The following FRAS1 variants were observed in gnomAD, a reference collection of about 807,000 sequenced individuals.
FRAS1 encodes extracellular matrix organizing protein FRAS1.
Under a neutral mutation model 435.2 loss-of-function variants are expected in FRAS1, and 290 were observed. The observed-to-expected ratio is 0.67, with a 90% CI of 0.61 to 0.73. FRAS1 has a LOEUF of 0.73. FRAS1 is among the 30% of genes least tolerant of loss of function. The pLI, the probability that FRAS1 is intolerant of heterozygous loss-of-function variation, is 0.00. For synonymous variants in FRAS1, 1,800 were observed against 1,851.0 expected (o/e 0.97, Z 0.71); for missense variants, 4,860 against 5,001.5 (o/e 0.97, Z 0.85).
chr4:78,313,911 C>A (rs933876131), intron 15 of FRAS1, among the ~76,000 whole-genome samples: 3 of 152,178 alleles, frequency 2.0e-5, no homozygotes, highest in Non-Finnish European at 4.4e-5. Context: ...AAATGTGTGG[C>A]ACAGGACACC....
chr4:78,357,867 C>T (rs565870604), intron 20 of FRAS1, among the ~76,000 whole-genome samples: 5 of 152,306 alleles, frequency 3.3e-5, no homozygotes, highest in South Asian at 4.1e-4. Flanking sequence ...TGCCTCTGTA[C>T]TCCAGTGTGG....
intron 2 of FRAS1, among the ~76,000 whole-genome samples, chr4:78,204,375 A>G (rs1578184077): frequency 6.6e-6 from 1 of 152,244 alleles, no homozygotes; most frequent in African/African-American, 2.4e-5. Context: ...TAGAACTGTC[A>G]GGGAAAGACT....
At chr4:78,308,027 T>G in intron 14 of FRAS1, 39 bp from the exon 15 acceptor site, 1 of 1,552,682 alleles carries the variant, frequency 6.4e-7, no homozygotes, top group South Asian at 1.2e-5. Flanking sequence ...CAGTCCTTTC[T>G]GCCGTAGATT....
intron 52 of FRAS1, among the ~76,000 whole-genome samples, chr4:78,472,816 C>T (rs1719748633): frequency 6.6e-6 from 1 of 152,136 alleles, no homozygotes; most frequent in Non-Finnish European, 1.5e-5. Context: ...CTCAAGCAGG[C>T]CATGTTAAGC....
intron 29 of FRAS1, among the ~76,000 whole-genome samples, chr4:78,395,181 C>A (rs1732606968): frequency 6.6e-6 from 1 of 151,878 alleles, no homozygotes; most frequent in African/African-American, 2.4e-5. Context: ...CATTTTGTTT[C>A]TTTCTGTTGC....
At chr4:78,206,528 C>T (rs902747951) in intron 2 of FRAS1, among the ~76,000 whole-genome samples, 3 of 152,110 alleles carry the variant, frequency 2.0e-5, no homozygotes, top group Non-Finnish European at 2.9e-5. Flanking sequence ...AGGAAACAAC[C>T]GTACCATCCC....
intron 73 of FRAS1, 29 bp downstream of exon 73, chr4:78,539,469 A>C (rs1298515943): frequency 3.3e-6 from 5 of 1,537,086 alleles, no homozygotes; most frequent in Non-Finnish European, 3.5e-6. Context: ...ACAGAAGCTT[A>C]AGACCAAGTC....
At chr4:78,314,333 C>T (rs1235351348) in intron 15 of FRAS1, among the ~76,000 whole-genome samples, 5 of 152,142 alleles carry the variant, frequency 3.3e-5, no homozygotes, top group African/African-American at 7.2e-5. Context: ...CTTTCTTGTA[C>T]TCTGTGAGCG....
intron 2 of FRAS1, among the ~76,000 whole-genome samples, chr4:78,102,468 G>A (rs1451058023): frequency 6.6e-6 from 1 of 152,028 alleles, no homozygotes; most frequent in Non-Finnish European, 1.5e-5. Flanking sequence ...TTACATGTTG[G>A]CTGTGATCAT....
In FRAS1 at chr4:78,065,081, T is replaced by C. The variant is rs200300082; in HGVS notation, c.77-904T>C. ...GTGTATATATATATATATATATATA[T>C]ATACATACACACACACACACTAAAT... On this transcript the variant is annotated intron_variant, in intron 1 of 73. Coordinates refer to ENST00000512123, the MANE Select transcript of FRAS1 (RefSeq NM_025074.7). 1.5e-3 allele frequency among the ~76,000 whole-genome samples: 183 copies of C among 125,692 alleles called. 1 individual carries two copies. In the East Asian group the frequency reaches 0.022, roughly 15 times the overall value. 82.5% of individuals were successfully genotyped at this position (125,692 alleles called of 152,430 possible). A position where few individuals can be genotyped will look rare whatever the true frequency, so the allele number is the denominator to read the frequency against.
At chr4:78,178,408 A>C (rs1721864686) in intron 2 of FRAS1, among the ~76,000 whole-genome samples, 1 of 152,228 alleles carries the variant, frequency 6.6e-6, no homozygotes, top group African/African-American at 2.4e-5. Flanking sequence ...ATTTGTATAG[A>C]TGTTGATACA....
intron 2 of FRAS1, among the ~76,000 whole-genome samples, chr4:78,144,898 G>A (rs1720354373): frequency 6.6e-6 from 1 of 152,010 alleles, no homozygotes; most frequent in African/African-American, 2.4e-5. Context: ...TGACTTTTTT[G>A]CAATTATAAA....
chr4:78,390,234 C>G (rs1732393269), intron 29 of FRAS1, among the ~76,000 whole-genome samples: 1 of 152,098 alleles, frequency 6.6e-6, no homozygotes, highest in East Asian at 1.9e-4. Flanking sequence ...CTTAATTTTT[C>G]TAATGGAGAT....
intron 20 of FRAS1, among the ~76,000 whole-genome samples, chr4:78,358,544 G>A (rs552620376): frequency 3.5e-4 from 32 of 90,876 alleles, no homozygotes; most frequent in African/African-American, 1.2e-3. Context: ...TTTATAAAAT[G>A]GGGATAATAA....
intron 2 of FRAS1, among the ~76,000 whole-genome samples, chr4:78,206,444 T>TC (rs1338194567): frequency 6.6e-6 from 1 of 152,184 alleles, no homozygotes; most frequent in Non-Finnish European, 1.5e-5. Flanking sequence ...ACTTCTCACT[T>TC]CCAGGACCAT....
Position 78,511,309 on chromosome 4 carries a change from T to A in FRAS1, c.9816T>A (p.His3272Gln). The A allele has an allele frequency of 6.2e-7, 1 of 1,608,508 alleles. No individual in the cohort carries two copies. Residue 3272 changes from histidine (H) to glutamine (Q), a missense_variant, in exon 64 of 74, where the codon CAT (histidine) becomes CAA (glutamine). Transcript: ENST00000512123. ...GCATTTACTTCAGCCGGAGGTTCCA[T>A]GTGCGTTGTGTGGCCAAGGCTGTGG... is the stretch of plus-strand genomic sequence containing the variant. Reference protein sequence around the residue: ...LDSIYFSRRFHVRCVAKAVDK... With the variant: ...LDSIYFSRRFQVRCVAKAVDK...
intron 10 of FRAS1, among the ~76,000 whole-genome samples, chr4:78,279,980 G>A (rs1040820709): frequency 6.6e-6 from 1 of 151,980 alleles, no homozygotes; most frequent in Admixed American, 6.6e-5. Context: ...ATCTTAACTA[G>A]CCACTTATCA....
rs200282443 is a variant in FRAS1, at chr4:78,481,969, G to A, written c.8604+5G>A. On this transcript the variant is annotated splice_donor_5th_base_variant and intron_variant, in intron 57 of 73. Coordinates refer to ENST00000512123, the MANE Select transcript of FRAS1 (RefSeq NM_025074.7). ...GGGCCTGGTGTCATTGAACAGGTGCGTTTACAGCAGTCGAGACTCCACAAA... is the reference window on the plus strand; with the variant it reads ...GGGCCTGGTGTCATTGAACAGGTGCATTTACAGCAGTCGAGACTCCACAAA... 31 of 1,612,182 alleles carry A rather than the reference G, an allele frequency of 1.9e-5. No individual in the cohort carries two copies. The highest frequency in any genetic ancestry group is 4.0e-5 in the African/African-American group (3 of 74,796).
chr4:78,298,030 C>CTCTCTCTCTA (rs1253600018), intron 14 of FRAS1, among the ~76,000 whole-genome samples: 7 of 104,078 alleles, frequency 6.7e-5, no homozygotes, highest in Admixed American at 2.1e-4. Context: ...CTCTCTCTCT[C>CTCTCTCTCTA]TATATATATA....
Sources: allele counts gnomAD v4.1 joint callset (sites outside exome capture counted in the v4.1 genomes callset), GRCh38; gene constraint gnomAD v4.1.1; transcripts MANE v1.5; gene names NCBI Gene and HGNC (gene_info 2026-07-23, HGNC 2026-07-21).